PRDM4: variants seen among roughly 807,000 people sequenced by gnomAD.
The protein encoded by PRDM4 is PR/SET domain 4.
A neutral mutation model predicts 62.3 loss-of-function variants in PRDM4; 38 were observed. That is an observed-to-expected ratio of 0.61 (90% CI 0.47 to 0.80). The LOEUF (loss-of-function observed/expected upper bound fraction) is 0.80. Among genes scored for constraint, PRDM4 ranks in the 30% least tolerant of loss-of-function variants. The pLI is 0.00. For synonymous variants in PRDM4, 339 were observed against 348.2 expected, an observed-to-expected ratio of 0.97 and a Z score of 0.30; for missense variants, 858 against 997.1, an observed-to-expected ratio of 0.86 and a Z score of 1.88.
chr12:107,744,932 C>T (rs1242289074), intron 6 of PRDM4, among the ~76,000 whole-genome samples: 1 of 152,080 alleles, frequency 6.6e-6, no homozygotes, highest in Non-Finnish European at 1.5e-5. Context: ...TGGTGGCGCA[C>T]GCCTGTAGTC....
At position 107,752,005 on chromosome 12, in the gene PRDM4, T is replaced by C; in HGVS notation, c.536A>G (p.His179Arg). 1 of 1,614,244 alleles carries C rather than the reference T, an allele frequency of 6.2e-7. No individual in the cohort carries two copies. The highest frequency in any genetic ancestry group is 8.5e-7 in the Non-Finnish European group (1 of 1,180,020). The change falls in exon 5 of 12, where the codon CAT becomes CGT. Residue 179 changes from histidine to arginine, a missense_variant. By Grantham distance (29) the His-to-Arg change is conservative. Coordinates refer to ENST00000228437, the MANE Select transcript of PRDM4 (RefSeq NM_012406.4). ...SVNTHGAQSL[H>R]PSDGHEVALD... Reference sequence around the variant, plus strand: ...GGCCACCTCATGGCCATCACTGGGATGAAGACTTTGGGCACCATGTGTGTT... The same window carrying C: ...GGCCACCTCATGGCCATCACTGGGACGAAGACTTTGGGCACCATGTGTGTT...
Position 107,739,412 on chromosome 12 carries a change from G to C in PRDM4, c.2064C>G (p.Asp688Glu). The C allele has an allele frequency of 6.2e-7, 1 of 1,613,734 alleles. No individual in the cohort carries two copies. The highest frequency in any genetic ancestry group is 8.5e-7 in the Non-Finnish European group (1 of 1,179,784). The change falls in exon 11 of 12, where the codon GAC (aspartate) becomes GAG (glutamate). Residue 688 changes from aspartate to glutamate, a missense_variant. Asp to Glu is a conservative substitution (Grantham distance 45). Transcript: ENST00000228437. ...YCDKLFMRRQ[D>E]LKQHVLIHTQ... The stretch of plus-strand genomic sequence containing the variant: ...TGTGGATGAGCACGTGCTGCTTGAG[G>C]TCCTGCCTCCGCATAAACAACTTGT...
chr12:107,755,046 C>G (rs1441630899), intron 3 of PRDM4, among the ~76,000 whole-genome samples: 1 of 152,134 alleles, frequency 6.6e-6, no homozygotes, highest in Non-Finnish European at 1.5e-5. Flanking sequence ...TAAATACCCA[C>G]CAACTTGGTC....
chr12:107,744,548 A>G lies in PRDM4; in HGVS notation c.1390T>C (p.Trp464Arg). The change falls in exon 7 of 12, where the codon TGG (tryptophan) becomes CGG (arginine). Residue 464 changes from tryptophan to arginine, a missense_variant. Transcript: ENST00000228437. The part of the protein sequence containing the change: ...EWTDKAVNHI[W>R]KIYHNGVLEF... Reference sequence around the variant, plus strand: ...AAAGTTTCATCAGGACTGACCTTCCAGATATGGTTAACTGCCTTGTCTGTC... The same window carrying G: ...AAAGTTTCATCAGGACTGACCTTCCGGATATGGTTAACTGCCTTGTCTGTC... The G allele has an allele frequency of 1.2e-6, 2 of 1,613,186 alleles. No individual in the cohort carries two copies. Among genetic ancestry groups the G allele is most frequent in the South Asian group, 1.1e-5 (1 of 91,052 alleles).
chr12:107,735,578 A>G (rs1165498662), intron 11 of PRDM4, among the ~76,000 whole-genome samples: 2 of 151,872 alleles, frequency 1.3e-5, no homozygotes, highest in African/African-American at 2.4e-5. Flanking sequence ...GGGTGGTATA[A>G]TTAGTATCTA....
At position 107,740,938 on chromosome 12, in the gene PRDM4, C is replaced by G; in HGVS notation, c.1924+8G>C. On this transcript the variant is annotated splice_region_variant and intron_variant, in intron 10 of 11. Coordinates refer to ENST00000228437, the MANE Select transcript of PRDM4 (RefSeq NM_012406.4). ...AAAATTCCATTCTGATGGGCCAACACAACTTACCTGTATGTATCTTGAGGT... is the reference window on the plus strand; with the variant it reads ...AAAATTCCATTCTGATGGGCCAACAGAACTTACCTGTATGTATCTTGAGGT... 6.2e-7 allele frequency: 1 copy of G among 1,609,908 alleles called. No individual in the cohort carries two copies. The highest frequency in any genetic ancestry group is 2.2e-5 in the East Asian group (1 of 44,790).
At chr12:107,743,991 G>A (rs985153790) in intron 7 of PRDM4, among the ~76,000 whole-genome samples, 1 of 152,118 alleles carries the variant, frequency 6.6e-6, no homozygotes, top group Non-Finnish European at 1.5e-5. Context: ...GCAAGTGCCT[G>A]TAAATTCAGC....
intron 4 of PRDM4, 74 bp from the exon 5 acceptor site, chr12:107,752,283 T>C: frequency 2.7e-6 from 3 of 1,118,250 alleles, no homozygotes; most frequent in Non-Finnish European, 3.9e-6. Flanking sequence ...TAGACGCTAT[T>C]TCCTTACAAA....
rs1890243872 is a variant in PRDM4, at chr12:107,733,882, T to C, written c.*328A>G. ...AATGGAATAATGGAAGAATGTGAAATAAATCTGATTTGTTTGAGCAGAAGG... is the reference window on the plus strand; with the variant it reads ...AATGGAATAATGGAAGAATGTGAAACAAATCTGATTTGTTTGAGCAGAAGG... On this transcript the variant is annotated 3_prime_UTR_variant, in exon 12 of 12. Transcript: ENST00000228437. 3.9e-6 allele frequency: 1 copy of C among 255,134 alleles called. No homozygotes were observed. Among genetic ancestry groups the C allele is most frequent in the Non-Finnish European group, 7.5e-6 (1 of 134,166 alleles). 15.8% of individuals were successfully genotyped at this position (255,134 alleles called of 1,614,324 possible).
chr12:107,735,707 C>A (rs1406515092), intron 11 of PRDM4, among the ~76,000 whole-genome samples: 1 of 151,056 alleles, frequency 6.6e-6, no homozygotes, highest in African/African-American at 2.4e-5. Flanking sequence ...CTGGCCTAGA[C>A]ATTTCAGAGC....
At chr12:107,750,542 T>C (rs894388466) in intron 5 of PRDM4, among the ~76,000 whole-genome samples, 3 of 152,076 alleles carry the variant, frequency 2.0e-5, no homozygotes, top group African/African-American at 7.2e-5. Context: ...ACCCTATCAA[T>C]AAATTAAAAT....
chr12:107,737,246 G>A (rs1002517448), intron 11 of PRDM4, among the ~76,000 whole-genome samples: 3 of 151,924 alleles, frequency 2.0e-5, no homozygotes, highest in Admixed American at 6.6e-5. Flanking sequence ...TTTTTAAGTA[G>A]ATAAATAAAA....
intron 8 of PRDM4, among the ~76,000 whole-genome samples, chr12:107,742,986 C>T (rs975484431): frequency 5.3e-5 from 8 of 151,932 alleles, no homozygotes; most frequent in South Asian, 2.1e-4. Flanking sequence ...AGGCTGGTCT[C>T]GAACTCCTGG....
At chr12:107,750,575 A>G (rs1890856941) in intron 5 of PRDM4, among the ~76,000 whole-genome samples, 3 of 152,320 alleles carry the variant, frequency 2.0e-5, no homozygotes, top group Middle Eastern at 3.4e-3. Context: ...TGTTTCCTGC[A>G]TGAATGAAAC....
chr12:107,754,129 T>G lies in PRDM4; in HGVS notation c.146-20A>C. The G allele has an allele frequency of 1.9e-6, 3 of 1,548,150 alleles. No homozygotes were observed. Among genetic ancestry groups the G allele is most frequent in the Non-Finnish European group, 2.6e-6 (3 of 1,138,654 alleles). On this transcript the variant is annotated intron_variant, in intron 3 of 11. Transcript: ENST00000228437. ...GGAGGCCTACAAAACAAAATTTTTT[T>G]TCTCAGTTAAAAGAAAATAGGTAAT...
At chr12:107,750,492 C>T (rs964269824) in intron 5 of PRDM4, among the ~76,000 whole-genome samples, 1 of 152,060 alleles carries the variant, frequency 6.6e-6, no homozygotes, top group Non-Finnish European at 1.5e-5. Flanking sequence ...TACAGTGAGC[C>T]GTGATCGCAC....
intron 5 of PRDM4, among the ~76,000 whole-genome samples, chr12:107,747,224 T>C (rs1309643454): frequency 6.6e-6 from 1 of 152,148 alleles, no homozygotes; most frequent in African/African-American, 2.4e-5. Flanking sequence ...TTAGGTATGA[T>C]GCCCTAAAGT....
chr12:107,753,172 G>C (rs1306436812), intron 4 of PRDM4, among the ~76,000 whole-genome samples: 1 of 152,120 alleles, frequency 6.6e-6, no homozygotes, highest in East Asian at 1.9e-4. Context: ...AGGAGTTCGA[G>C]ACCAGCCTCG....
At chr12:107,749,739 C>A (rs1356392947) in intron 5 of PRDM4, among the ~76,000 whole-genome samples, 1 of 152,124 alleles carries the variant, frequency 6.6e-6, no homozygotes, top group Non-Finnish European at 1.5e-5. Context: ...ATCTTCCACA[C>A]CTCCTTGCCT....
Sources: gnomAD v4.1 joint callset for allele counts (sites outside exome capture counted in the v4.1 genomes callset) on GRCh38, gnomAD v4.1.1 for gene constraint, MANE v1.5 for transcripts, NCBI Gene and HGNC (gene_info 2026-07-23, HGNC 2026-07-21) for gene names.